The following CBL variants were observed in gnomAD, a reference collection of about 807,000 sequenced individuals.
CBL encodes Cbl proto-oncogene.
Under a neutral mutation model 96.9 loss-of-function variants are expected in CBL, and 45 were observed. That is an observed-to-expected ratio of 0.46 (90% CI 0.37 to 0.60). CBL has a LOEUF of 0.60. Ranked by LOEUF, CBL falls within the 20% of genes least tolerant of loss-of-function variation. The pLI, the probability that CBL is intolerant of heterozygous loss-of-function variation, is 0.00. For synonymous variants in CBL, 420 were observed against 426.8 expected, an observed-to-expected ratio of 0.98 and a Z score of 0.20; for missense variants, 1,024 against 1,143.5, an observed-to-expected ratio of 0.90 and a Z score of 1.51.
At chr11:119,246,360 G>T (rs1389495413) in intron 2 of CBL, among the ~76,000 whole-genome samples, 3 of 152,104 alleles carry the variant, frequency 2.0e-5, no homozygotes, top group African/African-American at 7.2e-5. Context: ...TGATATTTTG[G>T]TTGAAGTTTA....
chr11:119,305,710 T>C lies in CBL; in HGVS notation c.*5929T>C. ...CTTTAGACAGTATACCTGTGTCTTC[T>C]CTGGCAATTGCTTTCATTTTAGTCC... On this transcript the variant is annotated 3_prime_UTR_variant, in exon 16 of 16. Coordinates refer to ENST00000264033, the MANE Select transcript of CBL (RefSeq NM_005188.4). 1 of 226,076 alleles carries C rather than the reference T, an allele frequency of 4.4e-6. No homozygotes were observed. The highest frequency in any genetic ancestry group is 8.8e-6 in the Non-Finnish European group (1 of 113,624). The allele number at this position is 226,076 out of a possible 1,614,324, so 14.0% of individuals were successfully genotyped here.
Position 119,206,826 on chromosome 11 carries a change from G to C in CBL, c.195+214G>C, listed in dbSNP as rs971984118. 2.0e-5 allele frequency among the ~76,000 whole-genome samples: 3 copies of C among 152,068 alleles called. No individual in the cohort carries two copies. The East Asian group carries it at 5.8e-4, about 29-fold the overall frequency. On this transcript the variant is annotated intron_variant, in intron 1 of 15. Transcript: ENST00000264033. Reference sequence around the variant, plus strand: ...GGGAGGGGCTGCCGTTGGGAGTCGGGGAACGCTGGGGTGCCGCGTTTGGGG... The same window carrying C: ...GGGAGGGGCTGCCGTTGGGAGTCGGCGAACGCTGGGGTGCCGCGTTTGGGG...
rs1477764968 is a variant in CBL at position 119,274,839 on chromosome 11, C to T, written c.755C>T (p.Ser252Phe). ...DIFTRLFQPW[S>F]SLLRNWNSLA... ...TTGATCTTGTTTCTTTAGCCCTGGT[C>T]CTCTTTGCTCAGGAATTGGAACAGC... Residue 252 changes from serine to phenylalanine, a missense_variant, in exon 5 of 16, where the codon TCC becomes TTC. By Grantham distance (155) the Ser-to-Phe change is radical. This residue lies in a region of CBL where 192 missense variants were observed against 321.8 expected (regional missense o/e 0.60). Coordinates refer to ENST00000264033, the MANE Select transcript of CBL (RefSeq NM_005188.4). The T allele has an allele frequency of 6.2e-7, 1 of 1,612,434 alleles. No homozygotes were observed. The highest frequency in any genetic ancestry group is 8.5e-7 in the Non-Finnish European group (1 of 1,179,266).
rs746244573 is a variant in CBL at position 119,305,162 on chromosome 11, TTGTC to T, written c.*5384_*5387del. On this transcript the variant is annotated 3_prime_UTR_variant, in exon 16 of 16. Transcript: ENST00000264033. ...TTAGTGGACAGGAAGGCACAGGAGT[TTGTC>T]TGGGACATCATAGAAATTCTTAGGT... 4.4e-6 allele frequency: 1 copy of T among 225,440 alleles called. No individual in the cohort carries two copies. The highest frequency in any genetic ancestry group is 6.3e-5 in the East Asian group (1 of 15,760). 14.0% of individuals were successfully genotyped at this position (225,440 alleles called of 1,614,324 possible).
At chr11:119,247,573 G>C (rs2135277383) in intron 2 of CBL, among the ~76,000 whole-genome samples, 1 of 152,336 alleles carries the variant, frequency 6.6e-6, no homozygotes, top group Non-Finnish European at 1.5e-5. Flanking sequence ...CACTATGGGA[G>C]GCCGAGGCAG....
chr11:119,236,380 T>C (rs752222254), intron 2 of CBL, among the ~76,000 whole-genome samples: 3 of 152,148 alleles, frequency 2.0e-5, no homozygotes, highest in Non-Finnish European at 4.4e-5. Flanking sequence ...AGAATGTTTT[T>C]ACAATTCACC....
At chr11:119,209,522 G>A (rs1949300405) in intron 1 of CBL, among the ~76,000 whole-genome samples, 1 of 151,942 alleles carries the variant, frequency 6.6e-6, no homozygotes, top group Non-Finnish European at 1.5e-5. Context: ...GGGAGACTGG[G>A]ACAGGAGAAT....
At chr11:119,249,777 C>T (rs1949658050) in intron 2 of CBL, among the ~76,000 whole-genome samples, 1 of 151,610 alleles carries the variant, frequency 6.6e-6, no homozygotes, top group African/African-American at 2.4e-5. Flanking sequence ...CCCACCTAAG[C>T]TTCCCAAGTT....
At chr11:119,288,422 C>T (rs773720601) in intron 12 of CBL, among the ~76,000 whole-genome samples, 5 of 152,182 alleles carry the variant, frequency 3.3e-5, no homozygotes, top group Non-Finnish European at 7.3e-5. Flanking sequence ...GGTGAGGGCT[C>T]TCTTCCTGCA....
chr11:119,292,609 A>G (rs4938645), intron 12 of CBL, among the ~76,000 whole-genome samples: 41,595 of 151,820 alleles, frequency 0.27, 6,131 homozygotes, highest in South Asian at 0.57. Context: ...TTTTTAGTAG[A>G]GACGGGGTTT....
rs2135309976 is a variant in CBL, at chr11:119,284,999, G to A, written c.1462G>A (p.Ala488Thr). 1 of 1,614,018 alleles carries A rather than the reference G, an allele frequency of 6.2e-7. No homozygotes were observed. The highest frequency in any genetic ancestry group is 1.1e-5 in the South Asian group (1 of 91,076). ...ACGGCCGCCTTCTCCATTCTCCATG[G>A]CCCCACAAGCTTCCCTTCCCCCGGT... Reference protein sequence around the residue: ...VERPPSPFSMAPQASLPPVPP... With the variant: ...VERPPSPFSMTPQASLPPVPP... Residue 488 changes from alanine to threonine, a missense_variant, in exon 10 of 16, where the codon GCC (alanine) becomes ACC (threonine). Ala to Thr is a moderately conservative substitution (Grantham distance 58, BLOSUM62 0). This residue lies in a region of CBL where 695 missense variants were observed against 661.6 expected (regional missense o/e 1.05). Coordinates refer to ENST00000264033, the MANE Select transcript of CBL (RefSeq NM_005188.4).
At position 119,276,139 on chromosome 11, in the gene CBL, G is replaced by A. The variant is rs2135301621; in HGVS notation, c.1007+5G>A. On this transcript the variant is annotated splice_donor_5th_base_variant and intron_variant, in intron 6 of 15. Transcript: ENST00000264033. The stretch of plus-strand genomic sequence containing the variant: ...TGATGGCTTCAGGGAAGGCTTGTGA[G>A]TACCTACTGCATACCATCTGTTAGA... The A allele has an allele frequency of 6.2e-7, 1 of 1,614,010 alleles. No individual in the cohort carries two copies. The highest frequency in any genetic ancestry group is 8.5e-7 in the Non-Finnish European group (1 of 1,179,904).
intron 11 of CBL, among the ~76,000 whole-genome samples, chr11:119,286,865 A>C (rs1329466181): frequency 6.6e-6 from 1 of 152,224 alleles, no homozygotes; most frequent in Non-Finnish European, 1.5e-5. Flanking sequence ...TGGAATATAA[A>C]CATGTTAATT....
intron 1 of CBL, among the ~76,000 whole-genome samples, chr11:119,226,707 C>T (rs971666173): frequency 2.0e-5 from 3 of 152,176 alleles, no homozygotes; most frequent in Non-Finnish European, 2.9e-5. Flanking sequence ...ATCTGCCTAC[C>T]TCAGCCTCCC....
At position 119,274,687 on chromosome 11, in the gene CBL, CAT is replaced by C. The variant is rs138888488; in HGVS notation, c.748-144_748-143del. ...TTCAGAGTTTTTAATCTCCTGAACACATGTGTCTTCTCTCTGAGTGATGGTAT... is the reference window on the plus strand; with the variant it reads ...TTCAGAGTTTTTAATCTCCTGAACACGTGTCTTCTCTCTGAGTGATGGTAT... On this transcript the variant is annotated intron_variant, in intron 4 of 15. Coordinates refer to ENST00000264033, the MANE Select transcript of CBL (RefSeq NM_005188.4). 1.2e-3 allele frequency: 926 copies of C among 754,056 alleles called. 5 individuals are homozygous for C. The highest frequency in any genetic ancestry group is 8.6e-3 in the East Asian group (345 of 40,150). 46.7% of individuals were successfully genotyped at this position (754,056 alleles called of 1,614,324 possible).
At chr11:119,215,520 G>A (rs1949352767) in intron 1 of CBL, among the ~76,000 whole-genome samples, 1 of 151,072 alleles carries the variant, frequency 6.6e-6, no homozygotes, top group African/African-American at 2.4e-5. Context: ...ACAAAAATTA[G>A]CTGGGCTTGG....
rs982137037 is a variant in CBL at position 119,300,154 on chromosome 11, G to A, written c.*373G>A. 1 of 524,320 alleles carries A rather than the reference G, an allele frequency of 1.9e-6. No individual in the cohort carries two copies. The highest frequency in any genetic ancestry group is 1.9e-5 in the African/African-American group (1 of 52,878). The allele number at this position is 524,320 out of a possible 1,614,324, so 32.5% of individuals were successfully genotyped here. On this transcript the variant is annotated 3_prime_UTR_variant, in exon 16 of 16. Transcript: ENST00000264033. ...GTTAAGGATGTGGCCGTGTGTGTGT[G>A]TGTCTGCCTGTGGTTGTATGTGTCC...
Position 119,306,489 on chromosome 11 carries a change from A to T in CBL, c.*6708A>T. 2.5e-6 allele frequency: 1 copy of T among 397,126 alleles called. No homozygotes were observed. The highest frequency in any genetic ancestry group is 4.4e-6 in the Non-Finnish European group (1 of 225,610). The allele number at this position is 397,126 out of a possible 1,614,324, so 24.6% of individuals were successfully genotyped here. On this transcript the variant is annotated 3_prime_UTR_variant, in exon 16 of 16. Transcript: ENST00000264033. Reference sequence around the variant, plus strand: ...GTATTGCTCAATGCGTGCTATGTGCAACTCCTCAGGCCTTGTGCCACCTCC... The same window carrying T: ...GTATTGCTCAATGCGTGCTATGTGCTACTCCTCAGGCCTTGTGCCACCTCC...
At chr11:119,257,874 A>T (rs1351226991) in intron 2 of CBL, among the ~76,000 whole-genome samples, 2 of 151,896 alleles carry the variant, frequency 1.3e-5, no homozygotes, top group African/African-American at 4.8e-5. Context: ...ATTTGGCTTT[A>T]TTTCTGGTTT....
Sources: allele counts gnomAD v4.1 joint callset (sites outside exome capture counted in the v4.1 genomes callset), GRCh38; gene constraint gnomAD v4.1.1; regional missense constraint gnomAD v4.1.1; transcripts MANE v1.5; gene names NCBI Gene and HGNC (gene_info 2026-07-23, HGNC 2026-07-21).